The following MRO variants were observed in gnomAD, a reference collection of about 807,000 sequenced individuals.
MRO encodes the protein maestro.
Under a neutral mutation model 31.0 loss-of-function variants are expected in MRO, and 28 were observed. The ratio of observed to expected loss-of-function variants is 0.90; its 90% CI spans 0.67 to 1.24. The LOEUF is 1.24. MRO is among the 50% of genes most tolerant of loss of function. MRO has a pLI of 0.00. For missense variants in MRO, 332 were observed against 289.2 expected, an observed-to-expected ratio of 1.15 and a Z score of -1.07; for synonymous variants, 108 against 108.4, an observed-to-expected ratio of 1.00 and a Z score of 0.02.
intron 5 of MRO, 116 bp downstream of exon 5, chr18:50,805,038 G>T (rs921931881): frequency 3.8e-6 from 3 of 781,694 alleles, no homozygotes; most frequent in South Asian, 3.4e-5. Context: ...GATCCCACCC[G>T]CCTCGGCCTC....
intron 3 of MRO, among the ~76,000 whole-genome samples, chr18:50,807,739 A>G (rs1310746137): frequency 5.9e-5 from 9 of 152,224 alleles, no homozygotes; most frequent in Non-Finnish European, 1.0e-4. Flanking sequence ...AGGAAGAGAA[A>G]TGCATGAATA....
Position 50,805,230 on chromosome 18 carries a change from A to G in MRO, c.353T>C (p.Leu118Pro). The G allele has an allele frequency of 6.2e-7, 1 of 1,614,150 alleles. No individual in the cohort carries two copies. Among genetic ancestry groups the G allele is most frequent in the Non-Finnish European group, 8.5e-7 (1 of 1,179,982 alleles). The change falls in exon 5 of 8, where the codon CTG becomes CCG. Residue 118 changes from leucine to proline, a missense_variant. By Grantham distance (98) the Leu-to-Pro change is moderately conservative. Coordinates refer to ENST00000398439, the MANE Select transcript of MRO (RefSeq NM_031939.6). ...HESMKTLTVV[L>P]GKIQGKGLGS... ...CAAACCTTTCCCCTGGATCTTGCCC[A>G]GAACGACGGTCAGAGTCTTCATACT... is the stretch of plus-strand genomic sequence containing the variant.
Position 50,819,989 on chromosome 18 carries a change from C to T in MRO, c.-219G>A. 1 of 1,549,492 alleles carries T rather than the reference C, an allele frequency of 6.5e-7. No homozygotes were observed. The highest frequency in any genetic ancestry group is 8.7e-7 in the Non-Finnish European group (1 of 1,145,462). On this transcript the variant is annotated 5_prime_UTR_variant, in exon 1 of 8. Coordinates refer to ENST00000398439, the MANE Select transcript of MRO (RefSeq NM_031939.6). ...CTCATGCCAGCCTGGTCGACACTTTCTGCAGAAATTCTGCAGATGGCAATT... is the reference window on the plus strand; with the variant it reads ...CTCATGCCAGCCTGGTCGACACTTTTTGCAGAAATTCTGCAGATGGCAATT...
intron 2 of MRO, among the ~76,000 whole-genome samples, chr18:50,813,184 T>C (rs2144650685): frequency 6.6e-6 from 1 of 152,302 alleles, no homozygotes; most frequent in Admixed American, 6.5e-5. Flanking sequence ...CAGGTGGATT[T>C]GCTCCATTCT....
chr18:50,818,687 TA>T (rs1350330296), intron 2 of MRO, among the ~76,000 whole-genome samples: 2 of 152,260 alleles, frequency 1.3e-5, no homozygotes, highest in Non-Finnish European at 2.9e-5. Context: ...ACTTTGATTT[TA>T]TCTCATCTGT....
intron 6 of MRO, 92 bp downstream of exon 6, chr18:50,801,257 C>A: frequency 2.6e-6 from 3 of 1,171,656 alleles, no homozygotes; most frequent in Non-Finnish European, 3.6e-6. Context: ...GCAGTGCTGG[C>A]AGGAACCCTA....
Position 50,795,308 on chromosome 18 carries a change from T to C in MRO, c.*4029A>G, listed in dbSNP as rs1440367109. On this transcript the variant is annotated 3_prime_UTR_variant, in exon 8 of 8. Transcript: ENST00000398439. ...TCACTTACACTCATGGACTTTTTTT[T>C]CATTTTAAAAGGGCATTTTGCATGT... is the stretch of plus-strand genomic sequence containing the variant. 6.6e-6 allele frequency: 1 copy of C among 152,234 alleles called. No individual in the cohort carries two copies. The highest frequency in any genetic ancestry group is 1.5e-5 in the Non-Finnish European group (1 of 68,044). 9.4% of individuals were successfully genotyped at this position (152,234 alleles called of 1,614,324 possible).
In MRO at chr18:50,796,966, G is replaced by A. The variant is rs548171926; in HGVS notation, c.*2371C>T. On this transcript the variant is annotated 3_prime_UTR_variant, in exon 8 of 8. Transcript: ENST00000398439. The stretch of plus-strand genomic sequence containing the variant: ...TCTGGAAATAGAATTTAAACTCAAA[G>A]AGGACTTATGAAGAGCAAAACAAAA... 6.6e-6 allele frequency: 1 copy of A among 152,298 alleles called. No homozygotes were observed. The highest frequency in any genetic ancestry group is 1.5e-5 in the Non-Finnish European group (1 of 68,028). 9.4% of individuals were successfully genotyped at this position (152,298 alleles called of 1,614,324 possible). A position where few individuals can be genotyped will look rare whatever the true frequency, so the allele number is the denominator to read the frequency against.
rs776021164 is a variant in MRO at position 50,806,766 on chromosome 18, C to G, written c.184G>C (p.Ala62Pro). The G allele has an allele frequency of 1.2e-6, 2 of 1,614,154 alleles. No homozygotes were observed. Among genetic ancestry groups the G allele is most frequent in the Non-Finnish European group, 1.7e-6 (2 of 1,180,034 alleles). Residue 62 changes from alanine to proline, a missense_variant, in exon 4 of 8, where the codon GCT becomes CCT. Physicochemically the swap from Ala to Pro is conservative, Grantham distance 27. Coordinates refer to ENST00000398439, the MANE Select transcript of MRO (RefSeq NM_031939.6). ...CTCATTGCCATGTGACGCTTTTTAGCACTGGGGTCCCGAGCTCTTTCTGCC... is the reference window on the plus strand; with the variant it reads ...CTCATTGCCATGTGACGCTTTTTAGGACTGGGGTCCCGAGCTCTTTCTGCC... ...ILAERARDPS[A>P]KKRHMAMRNL...
chr18:50,813,113 G>T (rs995493537), intron 2 of MRO, among the ~76,000 whole-genome samples: 1 of 152,196 alleles, frequency 6.6e-6, no homozygotes, highest in African/African-American at 2.4e-5. Context: ...ATCTGGAGGT[G>T]CATGGGGACT....
chr18:50,805,307 G>T lies in MRO; in HGVS notation c.276C>A (p.Asp92Glu). ...GGTCATACAGTCCATACACCAGCAG[G>T]TCGAGGACAATTTTCTTATACTTTC... Reference protein sequence around the residue: ...KVRKYKKIVLDLLVYGLYDPV... With the variant: ...KVRKYKKIVLELLVYGLYDPV... The change falls in exon 5 of 8, where the codon GAC becomes GAA. Residue 92 changes from aspartate to glutamate, a missense_variant. By Grantham distance (45) the Asp-to-Glu change is conservative (BLOSUM62 2). Coordinates refer to ENST00000398439, the MANE Select transcript of MRO (RefSeq NM_031939.6). 4 of 1,613,796 alleles carry T rather than the reference G, an allele frequency of 2.5e-6. No individual in the cohort carries two copies. The highest frequency in any genetic ancestry group is 3.4e-6 in the Non-Finnish European group (4 of 1,179,936).
Position 50,805,325 on chromosome 18 carries a change from A to G in MRO, c.258T>C (p.Tyr86=), listed in dbSNP as rs1232220763. Residue 86 remains tyrosine (Y), a synonymous_variant, in exon 5 of 8, where the codon TAT becomes TAC. Transcript: ENST00000398439. ...AYEAPDKVRK[Y]KKIVLDLLVY... ...CCAGCAGGTCGAGGACAATTTTCTT[A>G]TACTTTCTCACCTGTCACCAAGGTT... 7 of 1,613,540 alleles carry G rather than the reference A, an allele frequency of 4.3e-6. No individual in the cohort carries two copies. Among genetic ancestry groups the G allele is most frequent in the South Asian group, 2.2e-5 (2 of 90,924 alleles).
chr18:50,803,879 T>C (rs933612397), intron 5 of MRO, among the ~76,000 whole-genome samples: 2 of 152,246 alleles, frequency 1.3e-5, no homozygotes, highest in East Asian at 3.8e-4. Context: ...CGCTGTTCTG[T>C]AGGTCTTGTC....
At position 50,806,837 on chromosome 18, in the gene MRO, A is replaced by T; in HGVS notation, c.113T>A (p.Leu38Gln). Reference protein sequence around the residue: ...ISFFSKVSWKLRFQKREPLKN... With the variant: ...ISFFSKVSWKQRFQKREPLKN... ...CAGAGGCTCCCGCTTCTGGAACCTC[A>T]GTTTCCAAGAGACCTGGGTGATGGG... The change falls in exon 4 of 8, where the codon CTG becomes CAG. Residue 38 changes from leucine to glutamine, a missense_variant. Coordinates refer to ENST00000398439, the MANE Select transcript of MRO (RefSeq NM_031939.6). 1 of 1,614,122 alleles carries T rather than the reference A, an allele frequency of 6.2e-7. No homozygotes were observed. The highest frequency in any genetic ancestry group is 8.5e-7 in the Non-Finnish European group (1 of 1,179,996).
rs1399415797 is a variant in MRO at position 50,819,898 on chromosome 18, T to C, written c.-128A>G. 1 of 1,551,460 alleles carries C rather than the reference T, an allele frequency of 6.4e-7. No individual in the cohort carries two copies. The highest frequency in any genetic ancestry group is 2.0e-5 in the Admixed American group (1 of 51,002). ...GGTGGCACAAGCATGACTTGCTACC[T>C]TTGCTTCCCCACGCCATGCTGAGGT... On this transcript the variant is annotated splice_region_variant and 5_prime_UTR_variant, in exon 1 of 8. Transcript: ENST00000398439.
At chr18:50,824,439 TTTTCTTTTTTTTTTTC>T (rs1434455158), upstream of MRO, among the ~76,000 whole-genome samples, 1 of 145,558 alleles carries the variant, frequency 6.9e-6, no homozygotes, top group Admixed American at 6.8e-5. Context: ...AGACACTGTC[TTTTCTTTTTTTTTTTC>T]TTTCTTTTTT....
At chr18:50,803,111 T>A (rs1489846529) in intron 5 of MRO, among the ~76,000 whole-genome samples, 1 of 152,098 alleles carries the variant, frequency 6.6e-6, no homozygotes, top group Admixed American at 6.5e-5. Context: ...GAGTGCTATC[T>A]GTAATGGAGA....
In MRO at chr18:50,798,111, T is replaced by C. The variant is rs1427766700; in HGVS notation, c.*1226A>G. 9 of 152,190 alleles carry C rather than the reference T, an allele frequency of 5.9e-5. No individual in the cohort carries two copies. The highest frequency in any genetic ancestry group is 1.3e-4 in the Non-Finnish European group (9 of 68,034). The allele number at this position is 152,190 out of a possible 1,614,324, so 9.4% of individuals were successfully genotyped here. On this transcript the variant is annotated 3_prime_UTR_variant, in exon 8 of 8. Transcript: ENST00000398439. ...TCCGGGTGTGGCCTGGATACTGAAT[T>C]CAGGGGTGGTACCAGAGTTTCTATA...
chr18:50,800,162 C>A lies in MRO; in HGVS notation c.586-19G>T. The A allele has an allele frequency of 6.6e-7, 1 of 1,511,180 alleles. No individual in the cohort carries two copies. The highest frequency in any genetic ancestry group is 9.2e-7 in the Non-Finnish European group (1 of 1,092,402). 93.6% of individuals were successfully genotyped at this position (1,511,180 alleles called of 1,614,324 possible). A position where few individuals can be genotyped will look rare whatever the true frequency, so the allele number is the denominator to read the frequency against. ...TGCAAGCCTGAGAAAAATAATATTA[C>A]TATTTTATTTATTAGAGAGTTCCAT... On this transcript the variant is annotated intron_variant, in intron 6 of 7. Transcript: ENST00000398439.
Sources: gnomAD v4.1 joint callset for allele counts (sites outside exome capture counted in the v4.1 genomes callset) on GRCh38, gnomAD v4.1.1 for gene constraint, MANE v1.5 for transcripts, NCBI Gene and HGNC (gene_info 2026-07-23, HGNC 2026-07-21) for gene names.